Variants in JPT2 observed in about 807,000 individuals in gnomAD.
JPT2 encodes the protein Jupiter microtubule associated homolog 2, also known as CRAMP_1 like.
A neutral mutation model predicts 15.9 loss-of-function variants in JPT2; 9 were observed. The observed-to-expected ratio is 0.57, with a 90% CI of 0.34 to 0.99. The LOEUF (loss-of-function observed/expected upper bound fraction) is 0.99. Among genes scored for constraint, JPT2 ranks in the 50% least tolerant of loss-of-function variants. JPT2 has a pLI of 0.02. For synonymous variants in JPT2, 95 were observed against 91.7 expected (o/e 1.04, Z -0.21); for missense variants, 267 against 252.1 (o/e 1.06, Z -0.40).
downstream of JPT2, chr16:1,702,310 G>T: frequency 3.1e-6 from 1 of 324,722 alleles, no homozygotes; most frequent in East Asian, 7.9e-5. Flanking sequence ...TCATCCACAG[G>T]GTATAGAGCG....
At chr16:1,689,778 G>A (rs2037091994) in intron 2 of JPT2, 1 of 152,154 alleles carries the variant, frequency 6.6e-6, no homozygotes, top group Non-Finnish European at 1.5e-5. Flanking sequence ...AGATGGATAT[G>A]AAGGAAGGTT....
At chr16:1,679,409 A>G (rs1363664523) in intron 1 of JPT2, among the ~76,000 whole-genome samples, 1 of 152,240 alleles carries the variant, frequency 6.6e-6, no homozygotes, top group Non-Finnish European at 1.5e-5. Context: ...AAAACCCTTT[A>G]GATTGGCCGG....
intron 3 of JPT2, 138 bp from the exon 4 acceptor site, chr16:1,697,674 G>A: frequency 1.4e-6 from 1 of 710,952 alleles, no homozygotes; most frequent in Admixed American, 2.3e-5. Flanking sequence ...GTCTGTAGAG[G>A]ATTGGGGGGG....
At chr16:1,679,762 A>G (rs2037006083) in intron 1 of JPT2, among the ~76,000 whole-genome samples, 1 of 151,580 alleles carries the variant, frequency 6.6e-6, no homozygotes, top group Non-Finnish European at 1.5e-5. Flanking sequence ...TTGTAACCAA[A>G]TAATTACCCG....
intron 3 of JPT2, among the ~76,000 whole-genome samples, chr16:1,694,258 T>C (rs1567471518): frequency 6.6e-6 from 1 of 152,226 alleles, no homozygotes; most frequent in Non-Finnish European, 1.5e-5. Flanking sequence ...CTTATGGGCC[T>C]GGGAATGGAA....
chr16:1,697,833 G>A lies in JPT2; in HGVS notation c.358G>A (p.Gly120Arg), dbSNP rs768299082. 3.7e-6 allele frequency: 6 copies of A among 1,614,010 alleles called. No homozygotes were observed. Among genetic ancestry groups the A allele is most frequent in the Non-Finnish European group, 5.1e-6 (6 of 1,179,970 alleles). The change falls in exon 4 of 5, where the codon GGA (glycine) becomes AGA (arginine). Residue 120 changes from glycine to arginine, a missense_variant. Physicochemically the swap from Gly to Arg is moderately radical, Grantham distance 125 (BLOSUM62 -2). Transcript: ENST00000248098. ...KPKDHVFLCE[G>R]EEPKSDLKAA... ...GCAGGATCATGTTTTCTTATGTGAAGGAGAAGAACCAAAATCGGATCTTAA... is the reference window on the plus strand; with the variant it reads ...GCAGGATCATGTTTTCTTATGTGAAAGAGAAGAACCAAAATCGGATCTTAA...
In JPT2 at chr16:1,680,859, G is replaced by C. The variant is rs150196783; in HGVS notation, c.44+2503G>C. 3.9e-5 allele frequency among the ~76,000 whole-genome samples: 6 copies of C among 152,240 alleles called. 1 individual carries two copies. The highest frequency in any genetic ancestry group is 1.4e-4 in the African/African-American group (6 of 41,534). ...CCTGACCAGTCCCCTCATCCTTTCT[G>C]AAACTCGGGGACAAACTATTAGAGA... On this transcript the variant is annotated intron_variant, in intron 1 of 4. Transcript: ENST00000248098.
rs556661800 is a variant in JPT2 at position 1,699,165 on chromosome 16, G to T, written c.*167G>T. The T allele has an allele frequency of 1.0e-4, 76 of 755,398 alleles. No homozygotes were observed. Among genetic ancestry groups the T allele is most frequent in the Admixed American group, 5.4e-4 (27 of 50,078 alleles). 46.8% of individuals were successfully genotyped at this position (755,398 alleles called of 1,614,324 possible). On this transcript the variant is annotated 3_prime_UTR_variant, in exon 5 of 5. Transcript: ENST00000248098. ...TCATGACAGCTGCTTGGAGACCCGT[G>T]CCTTCCAGATGGCTGGGAGATGCCT...
chr16:1,678,363 C>T lies in JPT2; in HGVS notation c.44+7C>T, dbSNP rs1162093088. On this transcript the variant is annotated splice_region_variant and intron_variant, in intron 1 of 4. Transcript: ENST00000248098. ...GCGGCCGCGCCGGCTCCAGGTGCGG[C>T]GCGGGGCACACGGGAGGCGGGCGGA... The T allele has an allele frequency of 2.6e-5, 32 of 1,210,436 alleles. No individual in the cohort carries two copies. The highest frequency in any genetic ancestry group is 3.2e-5 in the Non-Finnish European group (31 of 973,072). 75.0% of individuals were successfully genotyped at this position (1,210,436 alleles called of 1,614,324 possible).
intron 1 of JPT2, among the ~76,000 whole-genome samples, chr16:1,684,668 A>T (rs1457396872): frequency 6.6e-6 from 1 of 152,140 alleles, no homozygotes; most frequent in Non-Finnish European, 1.5e-5. Context: ...TGAACCCAGG[A>T]GGCGGAGGTT....
intron 3 of JPT2, chr16:1,692,255 T>C (rs1360405574): frequency 4.1e-6 from 2 of 492,074 alleles, no homozygotes; most frequent in Non-Finnish European, 7.3e-6. Flanking sequence ...GGCTCCTCAC[T>C]GCAGTGCTGC....
intron 2 of JPT2, 159 bp downstream of exon 2, chr16:1,685,746 C>G: frequency 1.3e-6 from 1 of 792,516 alleles, no homozygotes; most frequent in Non-Finnish European, 1.9e-6. Flanking sequence ...TTTGTACTTT[C>G]TCTCTTGAAG....
At position 1,698,759 on chromosome 16, in the gene JPT2, A is replaced by G. The variant is rs1216614487; in HGVS notation, c.386-52A>G. On this transcript the variant is annotated intron_variant, in intron 4 of 4. Transcript: ENST00000248098. The surrounding 1 kb of genome is among the most constrained non-coding windows in gnomAD (Gnocchi z 4.9). ...TTTTTATTTCCACAGCCTGCCTGTC[A>G]GGGTCATGGGTTGCCTCTAATGGGA... The G allele has an allele frequency of 2.0e-6, 3 of 1,536,798 alleles. No homozygotes were observed. The highest frequency in any genetic ancestry group is 8.8e-7 in the Non-Finnish European group (1 of 1,140,492).
chr16:1,699,074 C>G lies in JPT2; in HGVS notation c.*76C>G. ...TAGCCATGTTTTCATTTCCTTTTGCCCAAATGAGCGGGGTGGGAAGAGGGT... is the reference window on the plus strand; with the variant it reads ...TAGCCATGTTTTCATTTCCTTTTGCGCAAATGAGCGGGGTGGGAAGAGGGT... On this transcript the variant is annotated 3_prime_UTR_variant, in exon 5 of 5. Coordinates refer to ENST00000248098, the MANE Select transcript of JPT2 (RefSeq NM_144570.3). The G allele has an allele frequency of 6.8e-7, 1 of 1,477,774 alleles. No homozygotes were observed. The highest frequency in any genetic ancestry group is 1.1e-5 in the South Asian group (1 of 88,222). 91.5% of individuals were successfully genotyped at this position (1,477,774 alleles called of 1,614,324 possible).
intron 1 of JPT2, among the ~76,000 whole-genome samples, chr16:1,679,454 G>C (rs1379159437): frequency 2.6e-5 from 4 of 152,188 alleles, no homozygotes; most frequent in African/African-American, 9.7e-5. Flanking sequence ...ACGGCACTTT[G>C]GGAGGCTGAG....
At chr16:1,680,053 C>T (rs758903783) in intron 1 of JPT2, among the ~76,000 whole-genome samples, 1 of 152,266 alleles carries the variant, frequency 6.6e-6, no homozygotes, top group South Asian at 2.1e-4. Context: ...AGCAAGACTC[C>T]GTCTCAAAGA....
At chr16:1,697,700 T>A (rs2037152606) in intron 3 of JPT2, 112 bp from the exon 4 acceptor site, 1 of 954,824 alleles carries the variant, frequency 1.0e-6, no homozygotes, top group African/African-American at 1.6e-5. Flanking sequence ...AGGTCAGATA[T>A]ACAAGCATTT....
chr16:1,680,004 AGCCGAGATCACACC>A (rs1479788552), intron 1 of JPT2, among the ~76,000 whole-genome samples: 3 of 151,906 alleles, frequency 2.0e-5, no homozygotes, highest in Admixed American at 6.6e-5. Context: ...GCTTGCAGTG[AGCCGAGATCACACC>A]ACTGCACTCC....
At chr16:1,694,186 C>A (rs928872390) in intron 3 of JPT2, among the ~76,000 whole-genome samples, 1 of 152,140 alleles carries the variant, frequency 6.6e-6, no homozygotes, top group Non-Finnish European at 1.5e-5. Context: ...GTACTGAAAT[C>A]GTGGATCTGA....
Sources: gnomAD v4.1 joint callset for allele counts (sites outside exome capture counted in the v4.1 genomes callset) on GRCh38, gnomAD v4.1.1 for gene constraint, Gnocchi (gnomAD v3.1) non-coding constraint, MANE v1.5 for transcripts, NCBI Gene and HGNC (gene_info 2026-07-23, HGNC 2026-07-21) for gene names.